Variants in TNS1 observed in about 807,000 individuals in gnomAD.
The protein encoded by TNS1 is tensin 1.
A neutral mutation model predicts 168.6 loss-of-function variants in TNS1; 62 were observed. The observed-to-expected ratio is 0.37, with a 90% CI of 0.30 to 0.45. TNS1 has a LOEUF of 0.45. TNS1 is among the 20% of genes least tolerant of loss of function. TNS1 has a pLI of 1.00. For missense variants in TNS1, 2,240 were observed against 2,339.4 expected (o/e 0.96, Z 0.88); for synonymous variants, 934 against 933.2 (o/e 1.00, Z -0.02).
rs535122605 is a variant in TNS1 at position 217,803,584 on chromosome 2, A to G, written c.*875T>C. ...GCTCCAGGCTTCTGGCCAAGGCAGG[A>G]CAGGGCGATGCCATTGCAGACCCTC... On this transcript the variant is annotated 3_prime_UTR_variant, in exon 33 of 33. Transcript: ENST00000682258. 6.5e-6 allele frequency: 1 copy of G among 152,836 alleles called. No individual in the cohort carries two copies. The highest frequency in any genetic ancestry group is 1.5e-5 in the Non-Finnish European group (1 of 68,072). 9.5% of individuals were successfully genotyped at this position (152,836 alleles called of 1,614,324 possible).
At chr2:217,982,685 G>A (rs1234034411) in intron 2 of TNS1, among the ~76,000 whole-genome samples, 2 of 152,090 alleles carry the variant, frequency 1.3e-5, no homozygotes, top group Non-Finnish European at 2.9e-5. Context: ...TTACAGGAGT[G>A]AACCATGGAC....
chr2:217,858,361 A>C (rs3791955), intron 18 of TNS1: 42,437 of 226,084 alleles, frequency 0.19, 4,390 homozygotes, highest in African/African-American at 0.29. Context: ...AAGCCCTTCC[A>C]AGGTGGGGTC....
chr2:218,019,110 G>A (rs1266582852), intron 1 of TNS1, among the ~76,000 whole-genome samples: 2 of 152,000 alleles, frequency 1.3e-5, no homozygotes, highest in African/African-American at 4.8e-5. Context: ...AAAAATAAAG[G>A]AATTATATAC....
intron 16 of TNS1, among the ~76,000 whole-genome samples, chr2:217,884,317 G>A (rs1271915893): frequency 6.6e-6 from 1 of 152,134 alleles, no homozygotes; most frequent in African/African-American, 2.4e-5. Context: ...ACAGACGGAT[G>A]GATGAATGGA....
rs746651446 is a variant in TNS1 at position 217,882,334 on chromosome 2, C to G, written c.1312+12G>C. On this transcript the variant is annotated intron_variant, in intron 17 of 32. Coordinates refer to ENST00000682258, the MANE Select transcript of TNS1 (RefSeq NM_001387777.1). ...GAAGGAGTGAGAGAATGAATTCTAA[C>G]TCGGCTTATACCTTGAATTTTCTCT... 27 of 1,584,386 alleles carry G rather than the reference C, an allele frequency of 1.7e-5. No individual in the cohort carries two copies. Among genetic ancestry groups the G allele is most frequent in the Non-Finnish European group, 2.2e-5 (25 of 1,157,564 alleles).
At chr2:217,943,237 A>G (rs1302685670) in intron 3 of TNS1, among the ~76,000 whole-genome samples, 1 of 152,106 alleles carries the variant, frequency 6.6e-6, no homozygotes, top group Non-Finnish European at 1.5e-5. Flanking sequence ...TGGGCAAGGG[A>G]GCAGGGCCCA....
intron 3 of TNS1, among the ~76,000 whole-genome samples, chr2:217,958,003 T>TCACACACATA (rs1553620430): frequency 6.9e-6 from 1 of 145,738 alleles, no homozygotes; most frequent in Non-Finnish European, 1.5e-5. Flanking sequence ...AATAAAGAAT[T>TCACACACATA]CACACACACA....
intron 3 of TNS1, among the ~76,000 whole-genome samples, chr2:217,934,950 C>T (rs1406054745): frequency 5.3e-5 from 8 of 152,376 alleles, no homozygotes; most frequent in African/African-American, 1.9e-4. Flanking sequence ...TCGAACTTCT[C>T]ATTTCGCAAT....
chr2:217,843,744 C>G (rs1225642266), intron 19 of TNS1, among the ~76,000 whole-genome samples: 1 of 152,130 alleles, frequency 6.6e-6, no homozygotes, highest in Non-Finnish European at 1.5e-5. Context: ...GTCCTGGTCT[C>G]CTGCCACCAC....
chr2:217,956,497 C>T (rs534363192), intron 3 of TNS1, among the ~76,000 whole-genome samples: 1 of 152,256 alleles, frequency 6.6e-6, no homozygotes, highest in East Asian at 1.9e-4. Context: ...AGGAGCAAGG[C>T]TGCGGGGAGA....
chr2:217,976,527 T>C (rs1957900143), intron 3 of TNS1, among the ~76,000 whole-genome samples: 1 of 152,232 alleles, frequency 6.6e-6, no homozygotes, highest in Non-Finnish European at 1.5e-5. Context: ...TCTGCCTGGT[T>C]GCTGCCCTGC....
At chr2:217,898,380 G>T (rs1952545780) in intron 7 of TNS1, among the ~76,000 whole-genome samples, 1 of 152,236 alleles carries the variant, frequency 6.6e-6, no homozygotes, top group African/African-American at 2.4e-5. Context: ...GCCCCAGACT[G>T]CTCTGGAAGA....
intron 6 of TNS1, chr2:217,900,745 G>A: frequency 3.6e-6 from 2 of 562,864 alleles, no homozygotes; most frequent in Non-Finnish European, 6.2e-6. Context: ...ACAAAAGGAA[G>A]AATCCCGAAT....
rs1167983388 is a variant in TNS1 at position 217,801,315 on chromosome 2, G to GA, written c.*3143dup. 6 of 152,238 alleles carry GA rather than the reference G, an allele frequency of 3.9e-5. No individual in the cohort carries two copies. Among genetic ancestry groups the GA allele is most frequent in the African/African-American group, 1.2e-4 (5 of 41,438 alleles). The allele number at this position is 152,238 out of a possible 1,614,324, so 9.4% of individuals were successfully genotyped here. On this transcript the variant is annotated 3_prime_UTR_variant, in exon 33 of 33. Transcript: ENST00000682258. ...AATCCTTCCCTCTTGCTCCCTTTGG[G>GA]AAAAAGCCACGTGGAGCTCACTGGG...
chr2:217,812,163 T>A (rs1941034749), intron 28 of TNS1, among the ~76,000 whole-genome samples: 1 of 152,256 alleles, frequency 6.6e-6, no homozygotes, highest in Non-Finnish European at 1.5e-5. Context: ...TCCATTTATG[T>A]ATGCTCCTGG....
chr2:218,017,771 G>A (rs1400034479), intron 1 of TNS1, among the ~76,000 whole-genome samples: 2 of 152,232 alleles, frequency 1.3e-5, no homozygotes, highest in African/African-American at 2.4e-5. Flanking sequence ...TCTAGCAGGA[G>A]ACCTGATTCA....
At chr2:217,946,309 G>A (rs1957104271) in intron 3 of TNS1, among the ~76,000 whole-genome samples, 1 of 152,176 alleles carries the variant, frequency 6.6e-6, no homozygotes, top group African/African-American at 2.4e-5. Context: ...AGTGGGTCAG[G>A]TGCACTTCTA....
chr2:217,898,303 G>A (rs1408640646), intron 7 of TNS1, among the ~76,000 whole-genome samples: 1 of 152,216 alleles, frequency 6.6e-6, no homozygotes, highest in Non-Finnish European at 1.5e-5. Flanking sequence ...GGGCCAGACT[G>A]GCCCAGGAAC....
At chr2:217,851,307 C>G (rs1307512607) in intron 18 of TNS1, among the ~76,000 whole-genome samples, 1 of 152,056 alleles carries the variant, frequency 6.6e-6, no homozygotes, top group Non-Finnish European at 1.5e-5. Context: ...AAGCCCATGG[C>G]CAAAAACAAG....
Sources: allele counts gnomAD v4.1 joint callset (sites outside exome capture counted in the v4.1 genomes callset), GRCh38; gene constraint gnomAD v4.1.1; transcripts MANE v1.5; gene names NCBI Gene and HGNC (gene_info 2026-07-23, HGNC 2026-07-21).